RBM20: variants seen among roughly 807,000 people sequenced by gnomAD.
RBM20 encodes the protein RNA-binding protein 20.
Under a neutral mutation model 110.1 loss-of-function variants are expected in RBM20, and 51 were observed. The ratio of observed to expected loss-of-function variants is 0.46; its 90% CI spans 0.37 to 0.59. The LOEUF is 0.59. Ranked by LOEUF, RBM20 falls within the 20% of genes least tolerant of loss-of-function variation. RBM20 has a pLI of 0.00. For missense variants in RBM20, 1,512 were observed against 1,574.9 expected (o/e 0.96, Z 0.68); for synonymous variants, 589 against 618.2 (o/e 0.95, Z 0.70).
intron 1 of RBM20, among the ~76,000 whole-genome samples, chr10:110,712,493 G>A (rs571305368): frequency 8.5e-5 from 13 of 152,310 alleles, no homozygotes; most frequent in African/African-American, 3.1e-4. Flanking sequence ...GAGGCTGGGT[G>A]CGGTGGCTCA....
chr10:110,652,920 C>T (rs1048294854), intron 1 of RBM20, among the ~76,000 whole-genome samples: 3 of 152,216 alleles, frequency 2.0e-5, no homozygotes, highest in African/African-American at 4.8e-5. Context: ...TGCTCACCCA[C>T]CCACACGGGA....
chr10:110,653,983 C>T (rs1861986243), intron 1 of RBM20, among the ~76,000 whole-genome samples: 3 of 152,148 alleles, frequency 2.0e-5, no homozygotes. Flanking sequence ...TGACCAGATC[C>T]AGGTTAAACA....
chr10:110,810,597 C>G (rs904023085), intron 8 of RBM20, 135 bp downstream of exon 8: 16 of 588,448 alleles, frequency 2.7e-5, no homozygotes, highest in African/African-American at 2.6e-4. Flanking sequence ...TTTTCTGGGT[C>G]CCACTTTTCC....
At chr10:110,776,797 C>T (rs1322090472) in intron 1 of RBM20, among the ~76,000 whole-genome samples, 1 of 152,174 alleles carries the variant, frequency 6.6e-6, no homozygotes, top group Non-Finnish European at 1.5e-5. Context: ...ATTATTCAGC[C>T]TACTGCAGGG....
At chr10:110,801,299 C>T (rs1356607129) in intron 7 of RBM20, among the ~76,000 whole-genome samples, 11 of 151,928 alleles carry the variant, frequency 7.2e-5, no homozygotes, top group Admixed American at 3.3e-4. Flanking sequence ...TGGTGGCAGG[C>T]GCCTGTAATC....
At chr10:110,654,788 A>T (rs1861997756) in intron 1 of RBM20, among the ~76,000 whole-genome samples, 1 of 152,206 alleles carries the variant, frequency 6.6e-6, no homozygotes, top group Non-Finnish European at 1.5e-5. Context: ...TATGTTCTGG[A>T]TTCAGCTTTG....
chr10:110,671,386 GT>G (rs1590607447), intron 1 of RBM20, among the ~76,000 whole-genome samples: 1 of 152,168 alleles, frequency 6.6e-6, no homozygotes, highest in Non-Finnish European at 1.5e-5. Flanking sequence ...TTACAATAAA[GT>G]TGTACCTGTT....
In RBM20 at chr10:110,835,933, AGAG is replaced by A; in HGVS notation, c.3642_3644del (p.Glu1214del). The stretch of plus-strand genomic sequence containing the variant: ...CCGAGGGGGCAGATAGCCCGAGGCC[AGAG>A]GACAGCGGAATCGTGCCACGCTTCG... On this transcript the variant is annotated inframe_deletion, in exon 14 of 14. Transcript: ENST00000369519. The A allele has an allele frequency of 6.8e-7, 1 of 1,468,544 alleles. No homozygotes were observed. The highest frequency in any genetic ancestry group is 9.3e-7 in the Non-Finnish European group (1 of 1,072,376). 91.0% of individuals were successfully genotyped at this position (1,468,544 alleles called of 1,614,324 possible).
chr10:110,756,097 T>C (rs962943607), intron 1 of RBM20, among the ~76,000 whole-genome samples: 16 of 152,200 alleles, frequency 1.1e-4, no homozygotes, highest in South Asian at 2.1e-4. Flanking sequence ...GTGGATAAAT[T>C]TGGGCCAGGT....
intron 12 of RBM20, among the ~76,000 whole-genome samples, chr10:110,829,061 C>T (rs1281329117): frequency 6.6e-6 from 1 of 152,188 alleles, no homozygotes; most frequent in Admixed American, 6.5e-5. Flanking sequence ...CCCAGGGCTT[C>T]TTTCCTGGTA....
intron 1 of RBM20, among the ~76,000 whole-genome samples, chr10:110,737,191 A>AAAAAAAAAAAAAAAAAAAAAAAAAC (rs1564830214): frequency 1.0e-4 from 15 of 143,974 alleles, no homozygotes; most frequent in Non-Finnish European, 1.8e-4. Flanking sequence ...AAAAAAAAAA[A>AAAAAAAAAAAAAAAAAAAAAAAAAC]AAAAAACACC....
chr10:110,807,992 T>C (rs371307656), intron 7 of RBM20, among the ~76,000 whole-genome samples: 5 of 152,210 alleles, frequency 3.3e-5, no homozygotes, highest in African/African-American at 1.2e-4. Context: ...TCCCACCAGC[T>C]TTCCCAAGCT....
chr10:110,682,279 A>G (rs4565841), intron 1 of RBM20, among the ~76,000 whole-genome samples: 131,980 of 152,194 alleles, frequency 0.87, 60,374 homozygotes, highest in East Asian at 1. Context: ...CCTCCAGAAT[A>G]TGACAGTACC....
At chr10:110,651,516 T>C (rs1861948935) in intron 1 of RBM20, among the ~76,000 whole-genome samples, 1 of 152,226 alleles carries the variant, frequency 6.6e-6, no homozygotes, top group African/African-American at 2.4e-5. Context: ...AAAGTAGCAC[T>C]TTCAGCTTGG....
At chr10:110,659,274 T>C (rs1349226114) in intron 1 of RBM20, among the ~76,000 whole-genome samples, 7 of 152,316 alleles carry the variant, frequency 4.6e-5, no homozygotes, top group Non-Finnish European at 7.3e-5. Flanking sequence ...AAGAAGAATA[T>C]AAATGCGGAA....
At chr10:110,818,740 G>A (rs1231934525) in intron 9 of RBM20, among the ~76,000 whole-genome samples, 1 of 151,926 alleles carries the variant, frequency 6.6e-6, no homozygotes, top group East Asian at 1.9e-4. Context: ...ATCTGGGAGT[G>A]TGGCTGCAGG....
intron 1 of RBM20, among the ~76,000 whole-genome samples, chr10:110,769,883 C>T (rs1310686437): frequency 1.3e-5 from 2 of 151,996 alleles, no homozygotes; most frequent in Non-Finnish European, 2.9e-5. Context: ...CATGCCTGGC[C>T]AATCTAAAAA....
intron 1 of RBM20, among the ~76,000 whole-genome samples, chr10:110,701,298 T>G (rs773035983): frequency 2.6e-5 from 4 of 152,200 alleles, no homozygotes; most frequent in Non-Finnish European, 4.4e-5. Context: ...CAGTGGGGCT[T>G]ACTTCTCACC....
At chr10:110,737,086 A>AGAATCACTT (rs1440795827) in intron 1 of RBM20, among the ~76,000 whole-genome samples, 1 of 148,276 alleles carries the variant, frequency 6.7e-6, no homozygotes, top group Non-Finnish European at 1.5e-5. Context: ...CTGAGACAGG[A>AGAATCACTT]GAATCACTTG....
Sources: gnomAD v4.1 joint callset for allele counts (sites outside exome capture counted in the v4.1 genomes callset) on GRCh38, gnomAD v4.1.1 for gene constraint, MANE v1.5 for transcripts, NCBI Gene and HGNC (gene_info 2026-07-23, HGNC 2026-07-21) for gene names.